SLC17A5: variants seen among roughly 807,000 people sequenced by gnomAD.
SLC17A5 encodes sialin.
SLC17A5 carries 47 observed loss-of-function variants against 59.4 expected under a neutral mutation model. That is an observed-to-expected ratio of 0.79 (90% confidence interval 0.63 to 1.01). SLC17A5 has a LOEUF of 1.01. Among genes scored for constraint, SLC17A5 ranks in the 50% least tolerant of loss-of-function variants. The pLI is 0.00. For missense variants in SLC17A5, 522 were observed against 595.5 expected (o/e 0.88, Z 1.28); for synonymous variants, 202 against 210.7 (o/e 0.96, Z 0.36).
At chr6:73,610,971 G>C (rs1345318921) in intron 8 of SLC17A5, among the ~76,000 whole-genome samples, 1 of 152,240 alleles carries the variant, frequency 6.6e-6, no homozygotes, top group African/African-American at 2.4e-5. Flanking sequence ...GCCTGGGTGT[G>C]GCAGCTCACA....
intron 8 of SLC17A5, among the ~76,000 whole-genome samples, chr6:73,610,923 A>C (rs1376280255): frequency 6.6e-6 from 1 of 152,216 alleles, no homozygotes; most frequent in Non-Finnish European, 1.5e-5. Context: ...ACTGAATAAT[A>C]AACTCTGTTG....
chr6:73,643,456 G>C (rs1016531913), intron 2 of SLC17A5, among the ~76,000 whole-genome samples: 1 of 147,092 alleles, frequency 6.8e-6, no homozygotes, highest in Admixed American at 6.8e-5. Flanking sequence ...CACCGCGCCC[G>C]GCCAAAAATT....
intron 1 of SLC17A5, among the ~76,000 whole-genome samples, chr6:73,651,322 G>A (rs1769849665): frequency 1.3e-5 from 2 of 151,416 alleles, no homozygotes; most frequent in African/African-American, 2.4e-5. Context: ...TTAGCTGGGT[G>A]TGGTGGCGTA....
chr6:73,610,689 G>GAT, intron 8 of SLC17A5, 142 bp from the exon 9 acceptor site: 1 of 816,154 alleles, frequency 1.2e-6, no homozygotes, highest in Non-Finnish European at 1.9e-6. Context: ...CAAATTTCAT[G>GAT]AGAAAAAAAA....
intron 2 of SLC17A5, among the ~76,000 whole-genome samples, chr6:73,642,960 T>A (rs1424883100): frequency 6.6e-6 from 1 of 152,116 alleles, no homozygotes; most frequent in Non-Finnish European, 1.5e-5. Context: ...AAGTGAGTGA[T>A]GTGTACCCAA....
chr6:73,602,506 GGCTCAC>G (rs1315830579), intron 9 of SLC17A5, among the ~76,000 whole-genome samples: 5 of 152,150 alleles, frequency 3.3e-5, no homozygotes, highest in Non-Finnish European at 5.9e-5. Context: ...TGGGCGCGGT[GGCTCAC>G]GCTTGTAATC....
At chr6:73,649,746 T>G (rs2150124735) in intron 1 of SLC17A5, among the ~76,000 whole-genome samples, 1 of 145,576 alleles carries the variant, frequency 6.9e-6, no homozygotes, top group East Asian at 2.1e-4. Context: ...TAACTGTGAA[T>G]TATTATGGGT....
chr6:73,647,497 ACT>A (rs1769637544), intron 1 of SLC17A5, among the ~76,000 whole-genome samples: 2 of 150,636 alleles, frequency 1.3e-5, no homozygotes, highest in African/African-American at 4.9e-5. Flanking sequence ...ACTCTAAAAA[ACT>A]CTATTTTATG....
At chr6:73,634,185 T>G (rs1053882317) in intron 6 of SLC17A5, among the ~76,000 whole-genome samples, 2 of 152,126 alleles carry the variant, frequency 1.3e-5, no homozygotes, top group African/African-American at 4.8e-5. Context: ...GATATAAACT[T>G]TTTTCTAAAG....
chr6:73,609,179 T>C (rs527433500), intron 9 of SLC17A5, among the ~76,000 whole-genome samples: 1 of 152,338 alleles, frequency 6.6e-6, no homozygotes, highest in Admixed American at 6.5e-5. Flanking sequence ...AAATAAAGTG[T>C]ATTAAAACTT....
chr6:73,628,495 C>T (rs1768540285), intron 6 of SLC17A5, among the ~76,000 whole-genome samples: 1 of 152,050 alleles, frequency 6.6e-6, no homozygotes. Flanking sequence ...CGCTTGAACC[C>T]GGGAAGCAGA....
intron 1 of SLC17A5, chr6:73,645,604 C>T (rs577806569): frequency 2.2e-4 from 99 of 447,428 alleles, no homozygotes; most frequent in Non-Finnish European, 2.7e-4. Flanking sequence ...CTGGCTAACT[C>T]GGTGAAACCC....
At chr6:73,651,455 C>T (rs1315407913) in intron 1 of SLC17A5, among the ~76,000 whole-genome samples, 13 of 77,576 alleles carry the variant, frequency 1.7e-4, no homozygotes, top group African/African-American at 6.8e-4. Context: ...AGCAAAACTC[C>T]GTCTCAAAAA....
At chr6:73,595,259 G>A in intron 10 of SLC17A5, 45 bp from the exon 11 acceptor site, 1 of 1,603,636 alleles carries the variant, frequency 6.2e-7, no homozygotes, top group Non-Finnish European at 8.5e-7. Flanking sequence ...AATTTTGTGT[G>A]TAGTTCACTT....
At chr6:73,604,588 A>G (rs1767309187) in intron 9 of SLC17A5, among the ~76,000 whole-genome samples, 1 of 151,968 alleles carries the variant, frequency 6.6e-6, no homozygotes, top group Non-Finnish European at 1.5e-5. Flanking sequence ...TACAAAAACT[A>G]AAAAAACACA....
chr6:73,619,184 GC>G (rs1165641863), intron 7 of SLC17A5, among the ~76,000 whole-genome samples: 2 of 152,096 alleles, frequency 1.3e-5, no homozygotes, highest in Non-Finnish European at 1.5e-5. Flanking sequence ...GGATTATGGT[GC>G]CCCCCAACAA....
intron 8 of SLC17A5, among the ~76,000 whole-genome samples, chr6:73,611,768 T>C (rs1767649286): frequency 6.6e-6 from 1 of 152,250 alleles, no homozygotes; most frequent in South Asian, 2.1e-4. Flanking sequence ...GATGGAAATG[T>C]TGTATTTGTA....
At position 73,641,998 on chromosome 6, in the gene SLC17A5, T is replaced by C. The variant is rs931017437; in HGVS notation, c.292-74A>G. On this transcript the variant is annotated intron_variant, in intron 2 of 10. Coordinates refer to ENST00000355773, the MANE Select transcript of SLC17A5 (RefSeq NM_012434.5). ...GCAGCTCTTTTCTCTTACTGGCATG[T>C]AAGTACATATAAATGAGATTTTGAA... The C allele has an allele frequency of 3.2e-6, 4 of 1,257,648 alleles. No homozygotes were observed. In the African/African-American group the frequency reaches 5.9e-5, roughly 19 times the overall value. The allele number at this position is 1,257,648 out of a possible 1,614,324, so 77.9% of individuals were successfully genotyped here. A position where few individuals can be genotyped will look rare whatever the true frequency, so the allele number is the denominator to read the frequency against.
At chr6:73,602,317 C>A (rs544485398) in intron 9 of SLC17A5, among the ~76,000 whole-genome samples, 6 of 147,348 alleles carry the variant, frequency 4.1e-5, no homozygotes, top group South Asian at 2.2e-4. Context: ...GCCGCAGGGT[C>A]CTCTGCCTAG....
Sources: allele counts gnomAD v4.1 joint callset (sites outside exome capture counted in the v4.1 genomes callset), GRCh38; gene constraint gnomAD v4.1.1; transcripts MANE v1.5; gene names NCBI Gene and HGNC (gene_info 2026-07-23, HGNC 2026-07-21).